The following SLC4A4 variants were observed in gnomAD, a reference collection of about 807,000 sequenced individuals.
The protein encoded by SLC4A4 is electrogenic sodium bicarbonate cotransporter 1.
In SLC4A4, 27 loss-of-function variants were observed where a neutral mutation model predicts 111.5. The ratio of observed to expected loss-of-function variants is 0.24; its 90% CI spans 0.18 to 0.33. The LOEUF is 0.33. Among genes scored for constraint, SLC4A4 ranks in the 10% least tolerant of loss-of-function variants. The pLI is 1.00. For synonymous variants in SLC4A4, 443 were observed against 463.4 expected, an observed-to-expected ratio of 0.96 and a Z score of 0.57; for missense variants, 909 against 1,315.5, an observed-to-expected ratio of 0.69 and a Z score of 4.78.
intron 2 of SLC4A4, among the ~76,000 whole-genome samples, chr4:71,114,104 G>A (rs1310387053): frequency 1.7e-4 from 26 of 152,106 alleles, no homozygotes; most frequent in Non-Finnish European, 3.5e-4. Context: ...AAAATTAGCC[G>A]GGCGTGGTGG....
At chr4:71,064,644 G>A (rs1344653719) in intron 1 of SLC4A4, among the ~76,000 whole-genome samples, 1 of 152,202 alleles carries the variant, frequency 6.6e-6, no homozygotes, top group Admixed American at 6.5e-5. Context: ...ACCTAGCTAA[G>A]TGGAAGGAAA....
intron 1 of SLC4A4, among the ~76,000 whole-genome samples, chr4:71,223,381 T>C (rs1272551465): frequency 6.6e-6 from 1 of 152,000 alleles, no homozygotes; most frequent in African/African-American, 2.4e-5. Context: ...TTCACCGTGG[T>C]CTCAATTTCC....
intron 15 of SLC4A4, among the ~76,000 whole-genome samples, chr4:71,495,268 A>G (rs1396727244): frequency 2.6e-5 from 4 of 152,098 alleles, no homozygotes; most frequent in Non-Finnish European, 4.4e-5. Context: ...GATTGCTTTA[A>G]TGCAACTTAT....
intron 1 of SLC4A4, among the ~76,000 whole-genome samples, chr4:71,087,655 G>A (rs6447017): frequency 0.57 from 86,637 of 151,572 alleles, 27,278 homozygotes; most frequent in East Asian, 0.79. Flanking sequence ...CCTTCATTTT[G>A]TTATGTACCC....
At chr4:71,505,806 G>C (rs1731364984) in intron 16 of SLC4A4, among the ~76,000 whole-genome samples, 1 of 151,976 alleles carries the variant, frequency 6.6e-6, no homozygotes, top group Non-Finnish European at 1.5e-5. Flanking sequence ...TTTTTTTCTA[G>C]GGTTTTTATG....
intron 5 of SLC4A4, among the ~76,000 whole-genome samples, chr4:71,355,411 G>C (rs1335589412): frequency 6.6e-6 from 1 of 152,222 alleles, no homozygotes; most frequent in Non-Finnish European, 1.5e-5. Context: ...CTGTGGAAGA[G>C]AGGTTTAATT....
At chr4:71,420,285 A>G (rs1404245045) in intron 7 of SLC4A4, among the ~76,000 whole-genome samples, 8 of 152,194 alleles carry the variant, frequency 5.3e-5, no homozygotes, top group Non-Finnish European at 1.0e-4. Flanking sequence ...AAATTTAGAG[A>G]AAAAAGAATA....
Position 71,568,736 on chromosome 4 carries a change from T to C in SLC4A4, c.*985T>C, listed in dbSNP as rs773625880. On this transcript the variant is annotated 3_prime_UTR_variant, in exon 26 of 26. Coordinates refer to ENST00000264485, the MANE Select transcript of SLC4A4 (RefSeq NM_001098484.3). Reference sequence around the variant, plus strand: ...TAGCTGCCAGGCTTTCTGTAAAAATTGTATTGTATATAATGTGATTTTTAC... The same window carrying C: ...TAGCTGCCAGGCTTTCTGTAAAAATCGTATTGTATATAATGTGATTTTTAC... 3.3e-5 allele frequency: 5 copies of C among 152,112 alleles called. No individual in the cohort carries two copies. Among genetic ancestry groups the C allele is most frequent in the Non-Finnish European group, 5.9e-5 (4 of 67,792 alleles). The allele number at this position is 152,112 out of a possible 1,614,324, so 9.4% of individuals were successfully genotyped here.
intron 3 of SLC4A4, among the ~76,000 whole-genome samples, chr4:71,310,969 A>C (rs2148853572): frequency 6.6e-6 from 1 of 152,328 alleles, no homozygotes; most frequent in Admixed American, 6.5e-5. Context: ...GCTCAAAATA[A>C]AGGGATGGAG....
intron 1 of SLC4A4, among the ~76,000 whole-genome samples, chr4:71,193,178 G>T (rs1234547093): frequency 3.3e-5 from 5 of 152,202 alleles, no homozygotes; most frequent in Admixed American, 3.3e-4. Flanking sequence ...GTCTTTTGGT[G>T]AACATGTCGC....
intron 2 of SLC4A4, among the ~76,000 whole-genome samples, chr4:71,241,922 T>C (rs1448323212): frequency 6.6e-6 from 1 of 152,236 alleles, no homozygotes; most frequent in Non-Finnish European, 1.5e-5. Flanking sequence ...AGCTGAACGC[T>C]GGCCAGAGGT....
At chr4:71,343,340 G>GT (rs1396115782) in intron 4 of SLC4A4, among the ~76,000 whole-genome samples, 6 of 152,290 alleles carry the variant, frequency 3.9e-5, no homozygotes, top group South Asian at 4.1e-4. Flanking sequence ...GGGGACCTAT[G>GT]TTTAAAGTTT....
chr4:71,165,031 A>T (rs529243864), intron 2 of SLC4A4, among the ~76,000 whole-genome samples: 96 of 152,362 alleles, frequency 6.3e-4, no homozygotes, highest in African/African-American at 2.2e-3. Flanking sequence ...CAGAATGGTG[A>T]TCATTAAAAA....
intron 7 of SLC4A4, among the ~76,000 whole-genome samples, chr4:71,417,337 G>A (rs1048454339): frequency 6.6e-6 from 1 of 152,150 alleles, no homozygotes; most frequent in Admixed American, 6.5e-5. Context: ...GTCAGGGAAG[G>A]TGGGGGGTAG....
intron 3 of SLC4A4, among the ~76,000 whole-genome samples, chr4:71,268,056 G>A (rs1389902089): frequency 1.5e-4 from 21 of 140,316 alleles, no homozygotes; most frequent in African/African-American, 4.4e-4. Context: ...TATGATATCA[G>A]TGTGCCAAAT....
intron 5 of SLC4A4, 32 bp downstream of exon 5, chr4:71,350,104 T>G: frequency 6.2e-7 from 1 of 1,613,118 alleles, no homozygotes; most frequent in Non-Finnish European, 8.5e-7. Flanking sequence ...TATCCTATTT[T>G]TTTCGGCTTT....
In SLC4A4 at chr4:71,528,250, T is replaced by G. The variant is rs116907996; in HGVS notation, c.2167-3812T>G. Among the ~76,000 whole-genome samples the G allele has an allele frequency of 4.2e-3, 639 of 152,222 alleles. 16 individuals carry two copies. Among genetic ancestry groups the G allele is most frequent in the Admixed American group, 0.032 (482 of 15,260 alleles). ...CATGTAATATGAGGTTTTTGAAGTT[T>G]AATGAGATACTCTTGAGAATATATG... On this transcript the variant is annotated intron_variant, in intron 16 of 25. Transcript: ENST00000264485.
intron 1 of SLC4A4, among the ~76,000 whole-genome samples, chr4:71,234,105 T>C (rs948940918): frequency 3.3e-5 from 5 of 152,242 alleles, no homozygotes; most frequent in Non-Finnish European, 5.9e-5. Flanking sequence ...TTCACAGTAC[T>C]GATTCCTTCC....
At chr4:71,431,151 G>C (rs1049461389) in intron 7 of SLC4A4, among the ~76,000 whole-genome samples, 8 of 152,002 alleles carry the variant, frequency 5.3e-5, no homozygotes, top group African/African-American at 1.9e-4. Flanking sequence ...TTCTTCCAGG[G>C]AGCTTACATT....
Sources: allele counts gnomAD v4.1 joint callset (sites outside exome capture counted in the v4.1 genomes callset), GRCh38; gene constraint gnomAD v4.1.1; transcripts MANE v1.5; gene names NCBI Gene and HGNC (gene_info 2026-07-23, HGNC 2026-07-21).